Variants in WWOX observed in about 807,000 individuals in gnomAD.
WWOX encodes the protein WW domain containing oxidoreductase, also known as WW domain-containing oxidoreductase.
Under a neutral mutation model 46.2 loss-of-function variants are expected in WWOX, and 69 were observed. The ratio of observed to expected loss-of-function variants is 1.49; its 90% CI spans 1.23 to 1.82. WWOX has a LOEUF of 1.82. Ranked by LOEUF, WWOX falls within the 40% of genes most tolerant of loss-of-function variation. The probability of loss-of-function intolerance (pLI) is 0.00; values close to 1 mark genes in which losing one functional copy is unlikely to be tolerated. For missense variants in WWOX, 919 were observed against 542.6 expected (o/e 1.69, Z -6.89); for synonymous variants, 359 against 202.6 (o/e 1.77, Z -6.56).
chr16:78,546,491 T>C (rs1427822602), intron 8 of WWOX, among the ~76,000 whole-genome samples: 1 of 152,232 alleles, frequency 6.6e-6, no homozygotes, highest in East Asian at 1.9e-4. Context: ...ACATCTCATA[T>C]TGTGGGATTG....
chr16:79,187,645 G>T (rs1241284643), intron 8 of WWOX, among the ~76,000 whole-genome samples: 1 of 152,102 alleles, frequency 6.6e-6, no homozygotes, highest in Non-Finnish European at 1.5e-5. Context: ...GACCTCAAGT[G>T]ATCGGCCTGC....
At chr16:78,420,198 A>ATTTTC (rs2082889965) in intron 6 of WWOX, among the ~76,000 whole-genome samples, 2 of 152,130 alleles carry the variant, frequency 1.3e-5, no homozygotes, top group African/African-American at 4.8e-5. Context: ...AAACTGGAAA[A>ATTTTC]CAGTTTGGCC....
At chr16:78,909,979 C>T (rs539026791) in intron 8 of WWOX, among the ~76,000 whole-genome samples, 102 of 152,270 alleles carry the variant, frequency 6.7e-4, no homozygotes, top group Middle Eastern at 3.4e-3. Context: ...TGCAATTCCA[C>T]CTATATTTTG....
chr16:78,968,453 A>T (rs577282581), intron 8 of WWOX, among the ~76,000 whole-genome samples: 2 of 152,336 alleles, frequency 1.3e-5, no homozygotes, highest in South Asian at 4.1e-4. Context: ...GTTCTCACCA[A>T]CCTTGCAAAA....
At position 78,996,699 on chromosome 16, in the gene WWOX, G is replaced by T. The variant is rs139150878; in HGVS notation, c.1057-214909G>T. ...GGGACAATATGGCAAATATGGCCAG[G>T]TACAGTGACAGAAAGTAAACAGCCC... On this transcript the variant is annotated intron_variant, in intron 8 of 8. Transcript: ENST00000566780. Among the ~76,000 whole-genome samples, 480 of 152,176 alleles carry T rather than the reference G, an allele frequency of 3.2e-3. 13 individuals are homozygous for T. The East Asian group carries it at 0.039, about 12-fold the overall frequency.
chr16:78,817,783 C>G (rs1323286097), intron 8 of WWOX, among the ~76,000 whole-genome samples: 3 of 152,170 alleles, frequency 2.0e-5, no homozygotes, highest in South Asian at 2.1e-4. Context: ...TCCTCACCCT[C>G]TGTCTTGGAT....
intron 8 of WWOX, among the ~76,000 whole-genome samples, chr16:78,497,925 G>A (rs954881925): frequency 2.6e-5 from 4 of 151,930 alleles, no homozygotes; most frequent in African/African-American, 7.2e-5. Context: ...TCAGGGGGCT[G>A]GGAGCAGTAG....
At chr16:78,283,654 T>C (rs2079720187) in intron 5 of WWOX, among the ~76,000 whole-genome samples, 1 of 152,028 alleles carries the variant, frequency 6.6e-6, no homozygotes, top group East Asian at 1.9e-4. Context: ...AAAACGTATT[T>C]ACATGGACGT....
chr16:78,783,782 G>A (rs28734837), intron 8 of WWOX, among the ~76,000 whole-genome samples: 1 of 151,982 alleles, frequency 6.6e-6, no homozygotes, highest in Non-Finnish European at 1.5e-5. Flanking sequence ...GCTGATGGTG[G>A]TGATGGTGAT....
intron 8 of WWOX, among the ~76,000 whole-genome samples, chr16:78,560,187 C>G (rs573305494): frequency 1.4e-4 from 21 of 152,216 alleles, no homozygotes; most frequent in African/African-American, 5.1e-4. Context: ...CAGAATAAGT[C>G]AGTACTACTG....
At chr16:78,115,772 C>G (rs994023378) in intron 4 of WWOX, among the ~76,000 whole-genome samples, 4 of 152,132 alleles carry the variant, frequency 2.6e-5, no homozygotes, top group Non-Finnish European at 4.4e-5. Context: ...AACCATAACT[C>G]TTCATAGGAT....
chr16:78,194,443 C>G (rs2035982711), intron 5 of WWOX, among the ~76,000 whole-genome samples: 1 of 151,570 alleles, frequency 6.6e-6, no homozygotes, highest in Admixed American at 6.6e-5. Flanking sequence ...CAAAAATTAG[C>G]CTGGCGTGGT....
chr16:78,189,463 G>T (rs2035813451), intron 5 of WWOX, among the ~76,000 whole-genome samples: 1 of 152,150 alleles, frequency 6.6e-6, no homozygotes, highest in Admixed American at 6.5e-5. Flanking sequence ...TTGTAATAAT[G>T]CTGGATCATT....
intron 8 of WWOX, among the ~76,000 whole-genome samples, chr16:79,062,324 T>A (rs2048370402): frequency 6.6e-6 from 1 of 152,224 alleles, no homozygotes; most frequent in Non-Finnish European, 1.5e-5. Flanking sequence ...TGCTTTTAAT[T>A]ATCTTCAGTT....
At chr16:78,316,822 T>G in intron 5 of WWOX, among the ~76,000 whole-genome samples, 1 of 152,316 alleles carries the variant, frequency 6.6e-6, no homozygotes, top group East Asian at 1.9e-4. Flanking sequence ...TTTTCAATGC[T>G]GCTTTTTAAG....
At chr16:78,271,547 T>C (rs913628587) in intron 5 of WWOX, among the ~76,000 whole-genome samples, 2 of 152,212 alleles carry the variant, frequency 1.3e-5, no homozygotes, top group Non-Finnish European at 2.9e-5. Flanking sequence ...AGGGAGCCTA[T>C]GTAGTAATTC....
At chr16:79,168,582 G>T (rs543608420) in intron 8 of WWOX, among the ~76,000 whole-genome samples, 1 of 152,248 alleles carries the variant, frequency 6.6e-6, no homozygotes, top group South Asian at 2.1e-4. Context: ...AAGGGACAAT[G>T]GGGGGCCTAG....
chr16:78,586,140 T>G (rs1455406071), intron 8 of WWOX, among the ~76,000 whole-genome samples: 1 of 152,140 alleles, frequency 6.6e-6, no homozygotes, highest in African/African-American at 2.4e-5. Context: ...GAGGATTGTT[T>G]GAGCCCCGGA....
At chr16:78,354,009 CTT>C (rs1252877254) in intron 5 of WWOX, among the ~76,000 whole-genome samples, 1 of 152,220 alleles carries the variant, frequency 6.6e-6, no homozygotes, top group African/African-American at 2.4e-5. Context: ...AGACAATAAA[CTT>C]TATTTTCTTC....
Sources: gnomAD v4.1 joint callset for allele counts (sites outside exome capture counted in the v4.1 genomes callset) on GRCh38, gnomAD v4.1.1 for gene constraint, MANE v1.5 for transcripts, NCBI Gene and HGNC (gene_info 2026-07-23, HGNC 2026-07-21) for gene names.